The following KY variants were observed in gnomAD, a reference collection of about 807,000 sequenced individuals.
KY encodes kyphoscoliosis peptidase.
A neutral mutation model predicts 76.1 loss-of-function variants in KY; 43 were observed. The observed-to-expected ratio is 0.57, with a 90% CI of 0.44 to 0.73. The LOEUF (loss-of-function observed/expected upper bound fraction) is 0.73. KY is among the 30% of genes least tolerant of loss of function. The pLI, the probability that KY is intolerant of heterozygous loss-of-function variation, is 0.00. For synonymous variants in KY, 277 were observed against 326.2 expected, an observed-to-expected ratio of 0.85 and a Z score of 1.63; for missense variants, 722 against 828.9, an observed-to-expected ratio of 0.87 and a Z score of 1.58.
chr3:134,622,455 G>A (rs34614029), intron 6 of KY, among the ~76,000 whole-genome samples: 7,594 of 152,224 alleles, frequency 0.05, 236 homozygotes, highest in Non-Finnish European at 0.071. Flanking sequence ...AGTGACATAA[G>A]CCAGACACAA....
intron 3 of KY, among the ~76,000 whole-genome samples, chr3:134,635,665 T>A (rs1005327568): frequency 5.3e-5 from 8 of 152,114 alleles, no homozygotes; most frequent in Admixed American, 2.0e-4. Context: ...ATAGTGGTGG[T>A]TTCACAAATC....
At chr3:134,647,358 A>G (rs995517131) in intron 2 of KY, 77 bp downstream of exon 2, 39 of 1,205,388 alleles carry the variant, frequency 3.2e-5, no homozygotes, top group Non-Finnish European at 4.6e-5. Flanking sequence ...CTAGTCTTCA[A>G]ATGAGTGAAA....
At chr3:134,629,987 A>G (rs1161142756) in intron 3 of KY, among the ~76,000 whole-genome samples, 1 of 152,260 alleles carries the variant, frequency 6.6e-6, no homozygotes, top group Non-Finnish European at 1.5e-5. Context: ...AAAGTAAATA[A>G]TAGAATAACT....
chr3:134,649,827 A>G (rs1023520882), intron 1 of KY, among the ~76,000 whole-genome samples: 2 of 152,222 alleles, frequency 1.3e-5, no homozygotes, highest in African/African-American at 4.8e-5. Context: ...TTCAATGAGC[A>G]CAGAGGCTCT....
chr3:134,641,781 C>T (rs1965796648), intron 3 of KY, among the ~76,000 whole-genome samples: 2 of 152,164 alleles, frequency 1.3e-5, no homozygotes, highest in South Asian at 4.1e-4. Flanking sequence ...CCCCCTTATA[C>T]CTTATCTGGC....
intron 10 of KY, among the ~76,000 whole-genome samples, chr3:134,606,829 C>T (rs1017881347): frequency 6.6e-6 from 1 of 151,762 alleles, no homozygotes; most frequent in Non-Finnish European, 1.5e-5. Flanking sequence ...CCTCCTCCTC[C>T]CCTCTCCCCT....
Position 134,603,974 on chromosome 3 carries a change from C to T in KY, c.1591G>A (p.Gly531Ser). 1 of 1,613,918 alleles carries T rather than the reference C, an allele frequency of 6.2e-7. No individual in the cohort carries two copies. The change falls in exon 11 of 11, where the codon GGC becomes AGC. Residue 531 changes from glycine to serine, a missense_variant. Transcript: ENST00000423778. ...TELKVQLPHAGKFALKIFVKK... is the reference protein window; with the variant it reads ...TELKVQLPHASKFALKIFVKK... The stretch of plus-strand genomic sequence containing the variant: ...ACAAAGATCTTGAGGGCAAACTTGC[C>T]TGCATGGGGCAGCTGGACTTTCAGC...
rs1360009931 is a variant in KY, at chr3:134,600,964, G to A, written c.*2615C>T. The A allele has an allele frequency of 6.6e-6, 1 of 152,204 alleles. No homozygotes were observed. Among genetic ancestry groups the A allele is most frequent in the Non-Finnish European group, 1.5e-5 (1 of 68,036 alleles). The allele number at this position is 152,204 out of a possible 1,614,324, so 9.4% of individuals were successfully genotyped here. A position where few individuals can be genotyped will look rare whatever the true frequency, so the allele number is the denominator to read the frequency against. ...ATTTTCAAGTTCTGCGAAAAAGCCC[G>A]GTGATAGATCAGCCTCGCGGTGTGC... On this transcript the variant is annotated 3_prime_UTR_variant, in exon 11 of 11. Transcript: ENST00000423778.
intron 7 of KY, 131 bp downstream of exon 7, chr3:134,620,618 T>G (rs1962437268): frequency 4.5e-6 from 3 of 659,792 alleles, no homozygotes; most frequent in East Asian, 5.5e-5. Context: ...GGTTCATCAG[T>G]CCAGTCTTCT....
At chr3:134,631,287 C>T (rs2107916678) in intron 3 of KY, among the ~76,000 whole-genome samples, 1 of 152,206 alleles carries the variant, frequency 6.6e-6, no homozygotes, top group Non-Finnish European at 1.5e-5. Context: ...AGACACATAA[C>T]CAAACTATTA....
chr3:134,604,432 G>A lies in KY; in HGVS notation c.1133C>T (p.Thr378Met), dbSNP rs202148426. Residue 378 changes from threonine to methionine, a missense_variant, in exon 11 of 11, where the codon ACG (threonine) becomes ATG (methionine). Physicochemically the swap from Thr to Met is moderately conservative, Grantham distance 81. This residue lies in a region of KY where 552 missense variants were observed against 680.9 expected (regional missense o/e 0.81). Coordinates refer to ENST00000423778, the MANE Select transcript of KY (RefSeq NM_178554.6). ...GCCATTGAGCATGAACATGAACAGC[G>A]TCGGGGCGCAGCTCTCAATGGTGAC... is the stretch of plus-strand genomic sequence containing the variant. ...ATVTIESCAPTLFMFMLNGKQ... is the reference protein window; with the variant it reads ...ATVTIESCAPMLFMFMLNGKQ... 257 of 1,613,476 alleles carry A rather than the reference G, an allele frequency of 1.6e-4. 3 individuals are homozygous for A. The highest frequency in any genetic ancestry group is 1.2e-3 in the South Asian group (107 of 91,046).
chr3:134,613,501 C>T (rs1486268110), intron 8 of KY, among the ~76,000 whole-genome samples: 1 of 152,182 alleles, frequency 6.6e-6, no homozygotes, highest in Non-Finnish European at 1.5e-5. Flanking sequence ...AATAAGGTCA[C>T]CTCCCAGGTC....
chr3:134,636,699 CTTAT>C (rs1965025872), intron 3 of KY, among the ~76,000 whole-genome samples: 1 of 152,210 alleles, frequency 6.6e-6, no homozygotes, highest in African/African-American at 2.4e-5. Flanking sequence ...CTCGTAAATG[CTTAT>C]TGTCTAAAGC....
At chr3:134,619,826 C>T (rs1962284152) in intron 7 of KY, 1 of 153,684 alleles carries the variant, frequency 6.5e-6, no homozygotes, top group Admixed American at 6.4e-5. Flanking sequence ...GGGGATAGAG[C>T]AGTAACGAAG....
intron 8 of KY, chr3:134,613,301 C>G (rs1960869184): frequency 6.5e-6 from 1 of 153,050 alleles, no homozygotes; most frequent in Non-Finnish European, 1.5e-5. Flanking sequence ...AAGCCATGTC[C>G]TAGGCCGTGT....
chr3:134,625,563 G>A (rs570504627), intron 5 of KY, among the ~76,000 whole-genome samples: 11 of 152,340 alleles, frequency 7.2e-5, no homozygotes, highest in African/African-American at 2.6e-4. Flanking sequence ...GTGCTCACAA[G>A]CTCAAGGAGG....
intron 8 of KY, chr3:134,615,472 T>G (rs1961377731): frequency 6.6e-6 from 1 of 151,788 alleles, no homozygotes; most frequent in South Asian, 2.1e-4. Flanking sequence ...TCTTTTTATT[T>G]TATTTTATTT....
intron 10 of KY, among the ~76,000 whole-genome samples, chr3:134,606,375 T>C (rs1959202357): frequency 6.6e-6 from 1 of 152,088 alleles, no homozygotes; most frequent in African/African-American, 2.4e-5. Flanking sequence ...TCAAGCACTC[T>C]CTCAGATCCT....
chr3:134,610,280 C>T lies in KY; in HGVS notation c.814G>A (p.Val272Met). The change falls in exon 9 of 11, where the codon GTG becomes ATG. Residue 272 changes from valine to methionine, a missense_variant. Transcript: ENST00000423778. ...AGGTGCCATCTTCCCTCCAGGTACACAGCATTCCAGGCATGGTCAAACTCC... is the reference window on the plus strand; with the variant it reads ...AGGTGCCATCTTCCCTCCAGGTACATAGCATTCCAGGCATGGTCAAACTCC... ...SGEFDHAWNA[V>M]YLEGRWHLVD... is the part of the protein sequence containing the mutation. 6.2e-7 allele frequency: 1 copy of T among 1,613,978 alleles called. No individual in the cohort carries two copies. The highest frequency in any genetic ancestry group is 1.1e-5 in the South Asian group (1 of 91,074).
Sources: allele counts gnomAD v4.1 joint callset (sites outside exome capture counted in the v4.1 genomes callset), GRCh38; gene constraint gnomAD v4.1.1; regional missense constraint gnomAD v4.1.1; transcripts MANE v1.5; gene names NCBI Gene and HGNC (gene_info 2026-07-23, HGNC 2026-07-21).